The following H2BC5 variants were observed in gnomAD, a reference collection of about 807,000 sequenced individuals.
H2BC5 encodes the protein histone H2B type 1-D.
A neutral mutation model predicts 5.7 loss-of-function variants in H2BC5; 9 were observed. The observed-to-expected ratio is 1.57, with a 90% CI of 0.95 to 2.74. The LOEUF (loss-of-function observed/expected upper bound fraction) is 2.74. Ranked by LOEUF, H2BC5 falls within the 30% of genes most tolerant of loss-of-function variation. H2BC5 has a pLI of 0.00. For synonymous variants in H2BC5, 133 were observed against 70.9 expected (o/e 1.88, Z -4.40); for missense variants, 175 against 168.8 (o/e 1.04, Z -0.20).
chr6:26,158,150 T>A lies in H2BC5; in HGVS notation c.-20T>A, dbSNP rs747928779. On this transcript the variant is annotated 5_prime_UTR_variant, in exon 1 of 1. Transcript: ENST00000377777. ...ATTTTCTCAGGTGTTTGCAACAGTG[T>A]TCTAACTATTAACGCTACGATGCCT... 6.2e-7 allele frequency: 1 copy of A among 1,607,034 alleles called. No homozygotes were observed. The highest frequency in any genetic ancestry group is 8.5e-7 in the Non-Finnish European group (1 of 1,177,242).
intron 1 of H2BC5, among the ~76,000 whole-genome samples, chr6:26,167,049 C>CTTTTTTTTTTTTTTTTTTTTTTTTTTCTT (rs149341201): frequency 2.1e-5 from 2 of 97,028 alleles, no homozygotes; most frequent in Non-Finnish European, 3.8e-5. Flanking sequence ...TTTGTTTTCT[C>CTTTTTTTTTTTTTTTTTTTTTTTTTTCTT]TTTTTTTTTT....
downstream of H2BC5, chr6:26,158,608 T>C: frequency 6.3e-7 from 1 of 1,591,478 alleles, no homozygotes; most frequent in South Asian, 1.1e-5. Flanking sequence ...GAGCCACGCA[T>C]GTTTTCAATA....
intron 1 of H2BC5, among the ~76,000 whole-genome samples, chr6:26,168,467 A>C (rs1235734785): frequency 1.3e-5 from 2 of 152,012 alleles, no homozygotes; most frequent in African/African-American, 4.8e-5. Context: ...TTTTAAAAAA[A>C]AAAAATAAAT....
At chr6:26,170,088 T>C (rs1347487871) in intron 1 of H2BC5, among the ~76,000 whole-genome samples, 1 of 152,126 alleles carries the variant, frequency 6.6e-6, no homozygotes, top group Non-Finnish European at 1.5e-5. Flanking sequence ...AACTGAGATA[T>C]TTCTCACATT....
intron 1 of H2BC5, among the ~76,000 whole-genome samples, chr6:26,166,688 T>C (rs949072580): frequency 6.7e-6 from 1 of 148,478 alleles, no homozygotes; most frequent in African/African-American, 2.5e-5. Context: ...GGGGATACTT[T>C]TGGCTTTTTT....
chr6:26,168,502 TA>T (rs1162791890), intron 1 of H2BC5, among the ~76,000 whole-genome samples: 3 of 151,666 alleles, frequency 2.0e-5, no homozygotes, highest in Non-Finnish European at 4.4e-5. Context: ...AAAAATTTGA[TA>T]AGGCAAAAAA....
At chr6:26,161,497 A>G (rs141930749), downstream of H2BC5, among the ~76,000 whole-genome samples, 1 of 152,180 alleles carries the variant, frequency 6.6e-6, no homozygotes, top group Non-Finnish European at 1.5e-5. Flanking sequence ...AGGGCTGGGC[A>G]AGGTGACTCA....
intron 1 of H2BC5, chr6:26,164,111 GA>G: frequency 2.2e-6 from 1 of 456,908 alleles, no homozygotes; most frequent in East Asian, 5.6e-5. Flanking sequence ...CCAAAGTCTT[GA>G]AGACTTCTGA....
downstream of H2BC5, among the ~76,000 whole-genome samples, chr6:26,162,833 C>T (rs993759723): frequency 3.9e-5 from 6 of 152,122 alleles, no homozygotes; most frequent in South Asian, 8.3e-4. Flanking sequence ...GCCACCGTGC[C>T]GAGCCCGGTA....
At chr6:26,160,460 G>C (rs139501961), downstream of H2BC5, among the ~76,000 whole-genome samples, 1 of 150,732 alleles carries the variant, frequency 6.6e-6, no homozygotes, top group African/African-American at 2.4e-5. Flanking sequence ...CCAGCACTTC[G>C]GGAGGCTGAG....
In H2BC5 at chr6:26,169,840, TC is replaced by T. The variant is rs1764491247; in HGVS notation, c.*10-1133del. Among the ~76,000 whole-genome samples the T allele has an allele frequency of 2.0e-5, 3 of 151,452 alleles. No homozygotes were observed. In the South Asian group the frequency reaches 6.2e-4, roughly 32 times the overall value. ...CAGGCATGGTGGCATGCACCTGTAG[TC>T]CTTGAGCCAAGAGGGCGTCACTGCA... On this transcript the variant is annotated intron_variant, in intron 1 of 1. Transcript: ENST00000289316.
intron 1 of H2BC5, among the ~76,000 whole-genome samples, chr6:26,167,097 A>G (rs1764445428): frequency 8.8e-6 from 1 of 113,198 alleles, no homozygotes; most frequent in African/African-American, 3.5e-5. Flanking sequence ...TTAATGTTGC[A>G]AAGAGTAGTT....
rs2298091 is a variant in H2BC5, at chr6:26,158,211, C to G, written c.42C>G (p.Gly14=). 3.7e-6 allele frequency: 6 copies of G among 1,614,092 alleles called. No individual in the cohort carries two copies. In the African/African-American group the frequency reaches 8.0e-5, roughly 22 times the overall value. ...AGTCTGCTCCTGCCCCAAAGAAGGGCTCCAAGAAGGCGGTGACTAAGGCTC... is the reference window on the plus strand; with the variant it reads ...AGTCTGCTCCTGCCCCAAAGAAGGGGTCCAAGAAGGCGGTGACTAAGGCTC... ...PTKSAPAPKK[G]SKKAVTKAQK... is the part of the protein sequence containing the mutation. The change falls in exon 1 of 1, where the codon GGC becomes GGG. Residue 14 remains glycine (G), a synonymous_variant. Transcript: ENST00000377777.
At chr6:26,164,978 T>G (rs868492781) in intron 1 of H2BC5, among the ~76,000 whole-genome samples, 6 of 152,008 alleles carry the variant, frequency 3.9e-5, no homozygotes, top group African/African-American at 1.4e-4. Context: ...CCCACACTCT[T>G]TACTCCCCAG....
chr6:26,167,047 CTCTT>C (rs1207808244), intron 1 of H2BC5, among the ~76,000 whole-genome samples: 3 of 68,478 alleles, frequency 4.4e-5, no homozygotes, highest in African/African-American at 1.5e-4. Context: ...TTTTTGTTTT[CTCTT>C]TTTTTTTTTT....
chr6:26,160,151 G>A (rs1451151537), downstream of H2BC5, among the ~76,000 whole-genome samples: 1 of 152,112 alleles, frequency 6.6e-6, no homozygotes, highest in Non-Finnish European at 1.5e-5. Context: ...AGCCATCGAT[G>A]CTTACTTGTT....
At chr6:26,159,250 T>TTTTG (rs1198665823), downstream of H2BC5, among the ~76,000 whole-genome samples, 40 of 138,030 alleles carry the variant, frequency 2.9e-4, no homozygotes, top group African/African-American at 8.4e-4. Flanking sequence ...TAGGTTTTTT[T>TTTTG]TTTTTTTTTT....
In H2BC5 at chr6:26,165,839, G is replaced by A. The variant is rs149226608; in HGVS notation, c.*10-5136G>A. Reference sequence around the variant, plus strand: ...AGGGATGAAAAGGAGGTGGGGGCCAGGAGGGAACCCTGCCAGCTGGTGAAG... The same window carrying A: ...AGGGATGAAAAGGAGGTGGGGGCCAAGAGGGAACCCTGCCAGCTGGTGAAG... On this transcript the variant is annotated intron_variant, in intron 1 of 1. Coordinates refer to the H2BC5 transcript ENST00000289316. 4.8e-3 allele frequency among the ~76,000 whole-genome samples: 735 copies of A among 152,350 alleles called. 28 individuals are homozygous for A. The highest frequency in any genetic ancestry group is 0.044 in the Admixed American group (675 of 15,312).
downstream of H2BC5, chr6:26,158,722 T>C (rs1375596369): frequency 9.1e-7 from 1 of 1,102,940 alleles, no homozygotes. Flanking sequence ...AACTTGGAAG[T>C]TACAGGGAAT....
Sources: gnomAD v4.1 joint callset for allele counts (sites outside exome capture counted in the v4.1 genomes callset) on GRCh38, gnomAD v4.1.1 for gene constraint, MANE v1.5 for transcripts, NCBI Gene and HGNC (gene_info 2026-07-23, HGNC 2026-07-21) for gene names.